Variants in ZNF33B observed in about 807,000 individuals in gnomAD.
ZNF33B encodes the protein zinc finger protein 33B.
Under a neutral mutation model 45.8 loss-of-function variants are expected in ZNF33B, and 29 were observed. That is an observed-to-expected ratio of 0.63 (90% CI 0.47 to 0.86). ZNF33B has a LOEUF of 0.86. Ranked by LOEUF, ZNF33B falls within the 40% of genes least tolerant of loss-of-function variation. ZNF33B has a pLI of 0.00. For missense variants in ZNF33B, 831 were observed against 909.9 expected, an observed-to-expected ratio of 0.91 and a Z score of 1.12; for synonymous variants, 305 against 307.8, an observed-to-expected ratio of 0.99 and a Z score of 0.10.
At chr10:42,598,365 A>G (rs1357476062) in intron 4 of ZNF33B, among the ~76,000 whole-genome samples, 1 of 152,224 alleles carries the variant, frequency 6.6e-6, no homozygotes, top group East Asian at 1.9e-4. Context: ...CTGGGTTGCA[A>G]ATGTTCATGA....
intron 1 of ZNF33B, among the ~76,000 whole-genome samples, chr10:42,580,653 G>C (rs1035992823): frequency 6.6e-6 from 1 of 151,306 alleles, no homozygotes; most frequent in African/African-American, 2.4e-5. Flanking sequence ...GGGAGCGGTG[G>C]CTCATGCCTG....
chr10:42,630,014 C>T (rs558366225), intron 4 of ZNF33B, among the ~76,000 whole-genome samples: 1 of 152,244 alleles, frequency 6.6e-6, no homozygotes, highest in South Asian at 2.1e-4. Context: ...CATTTTGCTC[C>T]AACCATCAAA....
chr10:42,574,892 C>T lies in ZNF33B; in HGVS notation c.74-214G>A, dbSNP rs149896136. 8.3e-4 allele frequency among the ~76,000 whole-genome samples: 127 copies of T among 152,252 alleles called. 1 individual carries two copies. In the Middle Eastern group the frequency reaches 0.024, roughly 29 times the overall value. On this transcript the variant is annotated intron_variant, in intron 1 of 1. Transcript: ENST00000462075. ...TCAAATTGATTTAGATTAGCAGTGGCACAGTCCTTAATTCAAAAGGGAAAA... is the reference window on the plus strand; with the variant it reads ...TCAAATTGATTTAGATTAGCAGTGGTACAGTCCTTAATTCAAAAGGGAAAA...
chr10:42,627,824 A>G (rs1447600002), intron 4 of ZNF33B, among the ~76,000 whole-genome samples: 1 of 150,004 alleles, frequency 6.7e-6, no homozygotes, highest in Non-Finnish European at 1.5e-5. Flanking sequence ...AAATTATTAT[A>G]TATTTCCCTA....
chr10:42,638,293 A>G (rs541385366), intron 1 of ZNF33B, among the ~76,000 whole-genome samples, 181 bp downstream of exon 1: 3 of 152,388 alleles, frequency 2.0e-5, no homozygotes, highest in African/African-American at 4.8e-5. Context: ...CTCCCTACAG[A>G]GGCTGCGCCT....
chr10:42,618,606 T>C (rs574240117), intron 4 of ZNF33B, among the ~76,000 whole-genome samples: 1 of 152,346 alleles, frequency 6.6e-6, no homozygotes, highest in African/African-American at 2.4e-5. Context: ...ATCACTTTTA[T>C]AAGGCAGGTC....
At chr10:42,607,793 TC>T (rs1352851658) in intron 4 of ZNF33B, among the ~76,000 whole-genome samples, 2 of 152,160 alleles carry the variant, frequency 1.3e-5, no homozygotes, top group African/African-American at 4.8e-5. Context: ...CAAAGGGGTT[TC>T]AAACCCAATA....
chr10:42,624,659 T>C (rs1838725414), intron 4 of ZNF33B, among the ~76,000 whole-genome samples: 1 of 152,096 alleles, frequency 6.6e-6, no homozygotes, highest in Non-Finnish European at 1.5e-5. Flanking sequence ...CATTATTAAG[T>C]AAAATAAGGG....
chr10:42,596,729 A>G (rs1301987290), intron 4 of ZNF33B, among the ~76,000 whole-genome samples: 6 of 152,048 alleles, frequency 3.9e-5, no homozygotes, highest in Non-Finnish European at 8.8e-5. Flanking sequence ...AAAAATTGCA[A>G]TTTCCAATTG....
At chr10:42,602,252 T>C (rs950066034) in intron 4 of ZNF33B, among the ~76,000 whole-genome samples, 4 of 152,096 alleles carry the variant, frequency 2.6e-5, no homozygotes, top group Middle Eastern at 3.2e-3. Flanking sequence ...TCAAGCATTA[T>C]AGTTTTCATT....
At chr10:42,576,393 A>T (rs370463576) in intron 1 of ZNF33B, among the ~76,000 whole-genome samples, 1 of 152,208 alleles carries the variant, frequency 6.6e-6, no homozygotes, top group African/African-American at 2.4e-5. Context: ...TTGAAGCTCT[A>T]TGGATCTGTG....
At chr10:42,600,716 GTA>G (rs560218936) in intron 4 of ZNF33B, among the ~76,000 whole-genome samples, 197 of 152,188 alleles carry the variant, frequency 1.3e-3, no homozygotes, top group Non-Finnish European at 2.3e-3. Flanking sequence ...TTCAGTAACA[GTA>G]TATATATGAA....
rs1345501592 is a variant in ZNF33B, at chr10:42,593,730, T to C, written c.1220A>G (p.His407Arg). The change falls in exon 5 of 5, where the codon CAT becomes CGT. Residue 407 changes from histidine to arginine, a missense_variant. Physicochemically the swap from His to Arg is conservative, Grantham distance 29. Transcript: ENST00000359467. The part of the protein sequence containing the change: ...KSALTLHQRT[H>R]TGEKPYQCNA... ...ACACTGATAGGGTTTCTCCCCTGTA[T>C]GTGTTCTCTGGTGTAATGTGAGGGC... 1 of 1,613,728 alleles carries C rather than the reference T, an allele frequency of 6.2e-7. No individual in the cohort carries two copies. Among genetic ancestry groups the C allele is most frequent in the Non-Finnish European group, 8.5e-7 (1 of 1,179,762 alleles).
At chr10:42,615,867 G>GT (rs1838289894) in intron 4 of ZNF33B, among the ~76,000 whole-genome samples, 2 of 151,992 alleles carry the variant, frequency 1.3e-5, no homozygotes, top group Admixed American at 1.3e-4. Context: ...GGAAGCTGCA[G>GT]TGAGCCGAGA....
chr10:42,636,408 GA>G (rs1839301909), intron 2 of ZNF33B, among the ~76,000 whole-genome samples: 1 of 152,160 alleles, frequency 6.6e-6, no homozygotes, highest in Non-Finnish European at 1.5e-5. Flanking sequence ...ATGGTTGTTG[GA>G]AACATAAGAA....
intron 4 of ZNF33B, among the ~76,000 whole-genome samples, chr10:42,612,515 C>T (rs966530244): frequency 2.0e-5 from 3 of 152,040 alleles, no homozygotes; most frequent in Non-Finnish European, 4.4e-5. Flanking sequence ...GGATTACAGG[C>T]GTAATCCACT....
In ZNF33B at chr10:42,593,623, A is replaced by T. The variant is rs773872808; in HGVS notation, c.1327T>A (p.Cys443Ser). ...CAGAAGGATTTTCCACATTCATAAC[A>T]TTCATAGGGTTTCTGCCCTGTGTGT... The part of the protein sequence containing the change: ...RTHTGQKPYE[C>S]YECGKSFCMN... The change falls in exon 5 of 5, where the codon TGT becomes AGT. Residue 443 changes from cysteine to serine, a missense_variant. By Grantham distance (112) the Cys-to-Ser change is moderately radical. Transcript: ENST00000359467. 2 of 1,614,050 alleles carry T rather than the reference A, an allele frequency of 1.2e-6. No homozygotes were observed. The highest frequency in any genetic ancestry group is 3.3e-5 in the Admixed American group (2 of 60,016).
intron 4 of ZNF33B, among the ~76,000 whole-genome samples, chr10:42,603,730 A>C (rs1048146020): frequency 1.3e-5 from 2 of 152,226 alleles, no homozygotes; most frequent in African/African-American, 4.8e-5. Context: ...AGTAGCGGCT[A>C]TCAGCAAAGT....
chr10:42,583,237 A>G (rs1235352288), intron 1 of ZNF33B: 3 of 651,236 alleles, frequency 4.6e-6, no homozygotes, highest in Middle Eastern at 5.3e-4. Flanking sequence ...ATGCTTAACC[A>G]AAGGAGGGAG....
Sources: gnomAD v4.1 joint callset for allele counts (sites outside exome capture counted in the v4.1 genomes callset) on GRCh38, gnomAD v4.1.1 for gene constraint, MANE v1.5 for transcripts, NCBI Gene and HGNC (gene_info 2026-07-23, HGNC 2026-07-21) for gene names.